CPSF7: variants seen among roughly 807,000 people sequenced by gnomAD.
CPSF7 encodes the protein cleavage and polyadenylation specific factor 7.
Under a neutral mutation model 44.3 loss-of-function variants are expected in CPSF7, and 1 was observed. The ratio of observed to expected loss-of-function variants is 0.02; its 90% confidence interval spans 0.01 to 0.11. The LOEUF (loss-of-function observed/expected upper bound fraction) is 0.11, where lower values mean the gene tolerates loss of function less well. Among genes scored for constraint, CPSF7 ranks in the 10% least tolerant of loss-of-function variants. The probability of loss-of-function intolerance (pLI) is 1.00; values close to 1 mark genes in which losing one functional copy is unlikely to be tolerated. For synonymous variants in CPSF7, 202 were observed against 222.0 expected (o/e 0.91, Z 0.80); for missense variants, 443 against 607.2 (o/e 0.73, Z 2.84).
intron 2 of CPSF7, 183 bp downstream of exon 2, chr11:61,428,999 G>A: frequency 2.2e-6 from 1 of 450,020 alleles, no homozygotes; most frequent in Non-Finnish European, 4.0e-6. Flanking sequence ...TAAGCCTGGA[G>A]CTTCAAATTA....
chr11:61,418,965 G>A (rs779047083), intron 5 of CPSF7, among the ~76,000 whole-genome samples: 2 of 151,102 alleles, frequency 1.3e-5, no homozygotes, highest in South Asian at 2.1e-4. Context: ...GTATCTGCCC[G>A]CCTCAGCCTT....
chr11:61,429,213 A>G lies in CPSF7; in HGVS notation c.23T>C (p.Ile8Thr). MSEGVDL[I>T]DIYADEEFNQ... ...GAACTCCTCGTCAGCATATATATCA[A>G]TCAAGTCCACTCCTTCTGACATGGC... Residue 8 changes from isoleucine to threonine, a missense_variant, in exon 2 of 10, where the codon ATT (isoleucine) becomes ACT (threonine). Transcript: ENST00000439958. 6.2e-7 allele frequency: 1 copy of G among 1,612,448 alleles called. No homozygotes were observed. Among genetic ancestry groups the G allele is most frequent in the Non-Finnish European group, 8.5e-7 (1 of 1,178,570 alleles).
intron 7 of CPSF7, among the ~76,000 whole-genome samples, chr11:61,412,342 G>A (rs371145171): frequency 2.0e-5 from 3 of 150,262 alleles, no homozygotes; most frequent in Admixed American, 2.0e-4. Context: ...AGGCTGGAGT[G>A]CAGTGGCCGT....
intron 7 of CPSF7, among the ~76,000 whole-genome samples, chr11:61,414,346 G>A (rs1860124011): frequency 6.6e-6 from 1 of 151,792 alleles, no homozygotes; most frequent in Non-Finnish European, 1.5e-5. Flanking sequence ...TAGTAGAGAT[G>A]GGGTTTTGCC....
intron 3 of CPSF7, chr11:61,420,993 A>G: frequency 1.0e-6 from 1 of 983,880 alleles, no homozygotes; most frequent in Non-Finnish European, 1.4e-6. Context: ...TTGCAGAACA[A>G]CAGTCACCAC....
intron 5 of CPSF7, among the ~76,000 whole-genome samples, chr11:61,417,353 A>T (rs1026427547): frequency 1.3e-5 from 2 of 152,220 alleles, no homozygotes; most frequent in Non-Finnish European, 2.9e-5. Context: ...AGCTCAGAAC[A>T]TGTTTTAAAC....
At chr11:61,405,931 C>CCAT (rs1224346817) in intron 9 of CPSF7, 1 of 152,154 alleles carries the variant, frequency 6.6e-6, no homozygotes, top group African/African-American at 2.4e-5. Context: ...CAATTACATA[C>CCAT]CATTAGGGCT....
intron 5 of CPSF7, among the ~76,000 whole-genome samples, chr11:61,418,745 G>T (rs1357105057): frequency 6.6e-6 from 1 of 150,982 alleles, no homozygotes; most frequent in East Asian, 1.9e-4. Context: ...TTGAGACAGA[G>T]TCTCACTCTG....
Position 61,402,927 on chromosome 11 carries a change from C to T in CPSF7, c.*1783G>A, listed in dbSNP as rs1427116982. On this transcript the variant is annotated 3_prime_UTR_variant, in exon 10 of 10. Transcript: ENST00000439958. ...GGGAGAAAAAAATTCTCCGGGTAAA[C>T]GGCATTTCTGGTATTCTATATATAT... The T allele has an allele frequency of 3.3e-5, 5 of 152,244 alleles. No individual in the cohort carries two copies. The highest frequency in any genetic ancestry group is 7.4e-5 in the Non-Finnish European group (5 of 67,990). The allele number at this position is 152,244 out of a possible 1,614,324, so 9.4% of individuals were successfully genotyped here.
intron 7 of CPSF7, among the ~76,000 whole-genome samples, chr11:61,414,111 C>T (rs1392383063): frequency 6.6e-6 from 1 of 151,624 alleles, no homozygotes; most frequent in Admixed American, 6.6e-5. Flanking sequence ...CCCATATAAC[C>T]CATGGGTATA....
At chr11:61,405,487 G>A (rs1859230180) in intron 9 of CPSF7, among the ~76,000 whole-genome samples, 1 of 152,178 alleles carries the variant, frequency 6.6e-6, no homozygotes, top group South Asian at 2.1e-4. Context: ...ATGCAGTTAA[G>A]AAGTTTTACC....
chr11:61,421,212 C>T, intron 3 of CPSF7, 178 bp downstream of exon 3: 2 of 1,060,516 alleles, frequency 1.9e-6, no homozygotes, highest in Non-Finnish European at 1.4e-6. Flanking sequence ...CTTTCTTCGG[C>T]ACCAGTACGT....
At chr11:61,406,270 A>G (rs899278501) in intron 9 of CPSF7, 11 of 152,226 alleles carry the variant, frequency 7.2e-5, no homozygotes, top group African/African-American at 2.7e-4. Context: ...ACGCCGAGAA[A>G]AGATGGACAA....
chr11:61,423,238 T>C (rs1048318299), intron 2 of CPSF7, among the ~76,000 whole-genome samples: 22 of 135,274 alleles, frequency 1.6e-4, no homozygotes, highest in Non-Finnish European at 2.5e-4. Flanking sequence ...AGTGGCGCCA[T>C]CTCAGCTCAC....
intron 9 of CPSF7, among the ~76,000 whole-genome samples, chr11:61,407,608 A>C (rs1369094317): frequency 2.0e-5 from 3 of 152,256 alleles, no homozygotes; most frequent in Non-Finnish European, 4.4e-5. Context: ...TGTTGATTCT[A>C]CATGAGTTAA....
intron 7 of CPSF7, among the ~76,000 whole-genome samples, chr11:61,413,145 G>C (rs1860003534): frequency 1.3e-5 from 2 of 151,960 alleles, no homozygotes; most frequent in Admixed American, 1.3e-4. Flanking sequence ...GGCTGGTCTT[G>C]AATTCCTGGC....
chr11:61,420,193 G>A, intron 4 of CPSF7, 99 bp from the exon 5 acceptor site: 3 of 992,144 alleles, frequency 3.0e-6, no homozygotes, highest in South Asian at 3.3e-5. Context: ...ATAAAGCAAA[G>A]GACATCTTGC....
intron 2 of CPSF7, among the ~76,000 whole-genome samples, chr11:61,425,414 G>A (rs2135398588): frequency 6.6e-6 from 1 of 152,276 alleles, no homozygotes; most frequent in South Asian, 2.1e-4. Context: ...TCATTCCAGG[G>A]AGATTAAACA....
At chr11:61,415,980 G>C (rs918643903) in intron 6 of CPSF7, 125 bp downstream of exon 6, 11 of 997,184 alleles carry the variant, frequency 1.1e-5, no homozygotes, top group Non-Finnish European at 1.5e-5. Flanking sequence ...AGGAGTCAAT[G>C]CTATGATAAC....
Sources: allele counts gnomAD v4.1 joint callset (sites outside exome capture counted in the v4.1 genomes callset), GRCh38; gene constraint gnomAD v4.1.1; transcripts MANE v1.5; gene names NCBI Gene and HGNC (gene_info 2026-07-23, HGNC 2026-07-21).